Variants in WDFY4 observed in about 807,000 individuals in gnomAD.
WDFY4 encodes the protein WD repeat- and FYVE domain-containing protein 4.
WDFY4 carries 169 observed loss-of-function variants against 351.9 expected under a neutral mutation model. The observed-to-expected ratio is 0.48, with a 90% CI of 0.42 to 0.55. The LOEUF is 0.55. WDFY4 is among the 20% of genes least tolerant of loss of function. The pLI is 0.00. For missense variants in WDFY4, 3,803 were observed against 3,935.6 expected (o/e 0.97, Z 0.90); for synonymous variants, 1,622 against 1,574.6 (o/e 1.03, Z -0.71).
chr10:48,734,523 C>CATATATATATATAT (rs10653287), intron 10 of WDFY4, among the ~76,000 whole-genome samples: 12 of 144,954 alleles, frequency 8.3e-5, no homozygotes, highest in African/African-American at 3.1e-4. Flanking sequence ...ATAATATGTG[C>CATATATATATATAT]ATATATATAT....
chr10:48,725,181 C>T lies in WDFY4; in HGVS notation c.592-700C>T, dbSNP rs558041115. Among the ~76,000 whole-genome samples, 5 of 152,326 alleles carry T rather than the reference C, an allele frequency of 3.3e-5. No homozygotes were observed. In the East Asian group the frequency reaches 9.6e-4, roughly 29 times the overall value. ...AGCTGTGGTCCATGAAGCCCAGCTTCTCTCTGTATCAGACTAGAAGGGGAA... is the reference window on the plus strand; with the variant it reads ...AGCTGTGGTCCATGAAGCCCAGCTTTTCTCTGTATCAGACTAGAAGGGGAA... On this transcript the variant is annotated intron_variant, in intron 5 of 61. Coordinates refer to ENST00000325239, the MANE Select transcript of WDFY4 (RefSeq NM_001394531.1).
chr10:48,942,728 G>A (rs887916822), intron 48 of WDFY4, among the ~76,000 whole-genome samples: 1 of 152,244 alleles, frequency 6.6e-6, no homozygotes, highest in African/African-American at 2.4e-5. Flanking sequence ...TGTCAGAGAT[G>A]ACGGCTGTGT....
chr10:48,685,191 G>C (rs539582305), intron 1 of WDFY4, among the ~76,000 whole-genome samples, 190 bp downstream of exon 1: 2 of 152,226 alleles, frequency 1.3e-5, no homozygotes, highest in South Asian at 2.1e-4. Context: ...TGTGTGGCGT[G>C]GGGGGCCCAT....
chr10:48,913,532 C>G (rs750366620), intron 47 of WDFY4: 1 of 1,613,974 alleles, frequency 6.2e-7, no homozygotes, highest in Non-Finnish European at 8.5e-7. Flanking sequence ...TCAGGCAAGC[C>G]GCACACAGAT....
chr10:48,941,763 G>C, intron 47 of WDFY4, 43 bp from the exon 48 acceptor site: 1 of 1,549,042 alleles, frequency 6.5e-7, no homozygotes, highest in African/African-American at 1.4e-5. Flanking sequence ...TTGTATTCTT[G>C]CCTTGGTATA....
chr10:48,823,985 A>G (rs1248429822), intron 35 of WDFY4: 1 of 985,338 alleles, frequency 1.0e-6, no homozygotes, highest in Non-Finnish European at 1.2e-6. Context: ...AGCCTATAAC[A>G]AATTCATTTT....
chr10:48,887,185 G>A (rs922879787), intron 43 of WDFY4, among the ~76,000 whole-genome samples: 1 of 152,270 alleles, frequency 6.6e-6, no homozygotes, highest in African/African-American at 2.4e-5. Flanking sequence ...CCTGGTGCAG[G>A]CACCATGGAG....
chr10:48,799,479 A>C (rs1020664848), intron 24 of WDFY4, among the ~76,000 whole-genome samples: 1 of 152,190 alleles, frequency 6.6e-6, no homozygotes, highest in Non-Finnish European at 1.5e-5. Context: ...GAAGCCACTC[A>C]GAAGTAAGGA....
chr10:48,752,166 A>T (rs186363294), intron 12 of WDFY4, among the ~76,000 whole-genome samples: 39 of 152,316 alleles, frequency 2.6e-4, no homozygotes, highest in Non-Finnish European at 5.6e-4. Context: ...CCTTACAGCA[A>T]TGCTTCTCAT....
In WDFY4 at chr10:48,790,914, C is replaced by T. The variant is rs1206135748; in HGVS notation, c.4254C>T (p.Tyr1418=). The T allele has an allele frequency of 1.3e-6, 2 of 1,551,616 alleles. No homozygotes were observed. The highest frequency in any genetic ancestry group is 1.4e-5 in the African/African-American group (1 of 73,154). The change falls in exon 23 of 62, where the codon TAC becomes TAT. Residue 1418 remains tyrosine (Y), a synonymous_variant. Transcript: ENST00000325239. The part of the protein sequence containing the change: ...CDFLMQHICG[Y]QIMAFLLRKK... Reference sequence around the variant, plus strand: ...TCCTGATGCAACACATCTGTGGGTACCAGGTAATCCCATCCTCCCACCTGG... The same window carrying T: ...TCCTGATGCAACACATCTGTGGGTATCAGGTAATCCCATCCTCCCACCTGG...
At chr10:48,973,985 G>A (rs73298964) in intron 57 of WDFY4, among the ~76,000 whole-genome samples, 51 of 152,238 alleles carry the variant, frequency 3.4e-4, no homozygotes, top group African/African-American at 1.1e-3. Context: ...AAGAGTGCAC[G>A]TGCCTCTGAG....
chr10:48,692,436 C>T (rs2063220804), intron 1 of WDFY4, among the ~76,000 whole-genome samples: 2 of 152,234 alleles, frequency 1.3e-5, no homozygotes, highest in South Asian at 4.1e-4. Flanking sequence ...AAAACACTTC[C>T]TTCCTCACAC....
chr10:48,795,254 G>T (rs544227448), intron 23 of WDFY4, among the ~76,000 whole-genome samples: 151 of 151,930 alleles, frequency 9.9e-4, no homozygotes, highest in African/African-American at 3.3e-3. Flanking sequence ...GAGGTCAGGT[G>T]GGGGAGAGGA....
At position 48,914,869 on chromosome 10, in the gene WDFY4, G is replaced by C. The variant is rs558075639; in HGVS notation, c.7586+13006G>C. 5.3e-5 allele frequency among the ~76,000 whole-genome samples: 8 copies of C among 152,286 alleles called. No individual in the cohort carries two copies. In the South Asian group the frequency reaches 1.5e-3, roughly 28 times the overall value. ...ATAACTCCCCATCATGAGCACACAG[G>C]GGGATGGGGGGTGCGGGCAAAGCTC... On this transcript the variant is annotated intron_variant, in intron 47 of 61. Coordinates refer to ENST00000325239, the MANE Select transcript of WDFY4 (RefSeq NM_001394531.1).
At chr10:48,811,112 C>T (rs2067430195) in intron 29 of WDFY4, among the ~76,000 whole-genome samples, 2 of 152,216 alleles carry the variant, frequency 1.3e-5, no homozygotes, top group African/African-American at 4.8e-5. Context: ...TGAATTGGGA[C>T]ACCTCTGTTA....
chr10:48,966,804 C>G, intron 55 of WDFY4, 131 bp downstream of exon 55: 1 of 1,210,292 alleles, frequency 8.3e-7, no homozygotes, highest in East Asian at 2.6e-5. Flanking sequence ...GGCTGCATCT[C>G]CAGTCACAGC....
At chr10:48,744,703 C>G (rs1472441741) in intron 12 of WDFY4, among the ~76,000 whole-genome samples, 1 of 152,220 alleles carries the variant, frequency 6.6e-6, no homozygotes, top group Non-Finnish European at 1.5e-5. Context: ...CCTCTAAATG[C>G]TTGTGAACCC....
At chr10:48,686,178 G>T (rs1323388878) in intron 1 of WDFY4, among the ~76,000 whole-genome samples, 2 of 151,992 alleles carry the variant, frequency 1.3e-5, no homozygotes, top group African/African-American at 4.8e-5. Context: ...GATTTTCTGT[G>T]TTGAAAGAAA....
chr10:48,775,029 G>A (rs1589576041), intron 14 of WDFY4, among the ~76,000 whole-genome samples: 1 of 152,208 alleles, frequency 6.6e-6, no homozygotes, highest in Non-Finnish European at 1.5e-5. Context: ...GTGTCCTGTA[G>A]GGAGTTGGGC....
Sources: gnomAD v4.1 joint callset for allele counts (sites outside exome capture counted in the v4.1 genomes callset) on GRCh38, gnomAD v4.1.1 for gene constraint, MANE v1.5 for transcripts, NCBI Gene and HGNC (gene_info 2026-07-23, HGNC 2026-07-21) for gene names.